Variants in RCL1 observed in about 807,000 individuals in gnomAD.
The protein encoded by RCL1 is RNA 3'-terminal phosphate cyclase-like protein.
RCL1 carries 24 observed loss-of-function variants against 42.4 expected under a neutral mutation model. The ratio of observed to expected loss-of-function variants is 0.57; its 90% CI spans 0.41 to 0.80. The LOEUF is 0.80. RCL1 is among the 30% of genes least tolerant of loss of function. The pLI, the probability that RCL1 is intolerant of heterozygous loss-of-function variation, is 0.00. For synonymous variants in RCL1, 228 were observed against 177.3 expected, an observed-to-expected ratio of 1.29 and a Z score of -2.27; for missense variants, 578 against 467.9, an observed-to-expected ratio of 1.24 and a Z score of -2.17.
intron 8 of RCL1, chr9:4,850,489 T>C (rs1158652861): frequency 1.1e-5 from 2 of 184,422 alleles, no homozygotes; most frequent in Middle Eastern, 2.5e-3. Flanking sequence ...AGGCTTTTTT[T>C]TTTCTTTTTT....
At chr9:4,855,607 G>T (rs1817931056) in intron 8 of RCL1, among the ~76,000 whole-genome samples, 1 of 152,122 alleles carries the variant, frequency 6.6e-6, no homozygotes, top group African/African-American at 2.4e-5. Context: ...TTCTTAAGGA[G>T]GCTGTTTGCT....
At chr9:4,827,733 TGTGTGTGTGTGTGTGTGTGTGTGCACGC>T in intron 3 of RCL1, among the ~76,000 whole-genome samples, 1 of 34,628 alleles carries the variant, frequency 2.9e-5, no homozygotes, top group African/African-American at 5.4e-5. Context: ...TAGGATGAAG[TGTGTGTGTGTGTGTGTGTGTGTGCACGC>T]GTGTGTGTGT....
chr9:4,826,442 G>C (rs976815514), intron 2 of RCL1, among the ~76,000 whole-genome samples: 16 of 144,854 alleles, frequency 1.1e-4, no homozygotes, highest in African/African-American at 4.1e-4. Context: ...AGGTATATGA[G>C]AAATATCATT....
rs756483848 is a variant in RCL1 at position 4,849,509 on chromosome 9, G to C, written c.930G>C (p.Gln310His). The C allele has an allele frequency of 6.2e-6, 10 of 1,613,744 alleles. No homozygotes were observed. The East Asian group carries it at 2.0e-4, about 32-fold the overall frequency. The change falls in exon 8 of 9, where the codon CAG (glutamine) becomes CAC (histidine). Residue 310 changes from glutamine to histidine, a missense_variant. Coordinates refer to ENST00000381750, the MANE Select transcript of RCL1 (RefSeq NM_005772.5). ...TACTACTCATGACCCTTGGACAGCA[G>C]GATGTTTCCAAAGTCCTGCTAGGCC... ...LALLLMTLGQ[Q>H]DVSKVLLGPL...
chr9:4,816,483 A>G (rs1816382690), intron 1 of RCL1, among the ~76,000 whole-genome samples: 1 of 152,214 alleles, frequency 6.6e-6, no homozygotes, highest in Non-Finnish European at 1.5e-5. Flanking sequence ...TGAGAAATAG[A>G]TACCAAATTT....
rs1818159938 is a variant in RCL1 at position 4,861,035 on chromosome 9, A to G, written c.*760A>G. ...GTGTTTTGTTCCTTTGAAATGTATA[A>G]TGTAAAGACATTAAATCTCCTCATT... On this transcript the variant is annotated 3_prime_UTR_variant, in exon 9 of 9. Coordinates refer to ENST00000381750, the MANE Select transcript of RCL1 (RefSeq NM_005772.5). 1 of 152,234 alleles carries G rather than the reference A, an allele frequency of 6.6e-6. No individual in the cohort carries two copies. The highest frequency in any genetic ancestry group is 6.5e-5 in the Admixed American group (1 of 15,288). 9.4% of individuals were successfully genotyped at this position (152,234 alleles called of 1,614,324 possible). A position where few individuals can be genotyped will look rare whatever the true frequency, so the allele number is the denominator to read the frequency against.
intron 5 of RCL1, chr9:4,836,806 A>T (rs1311481547): frequency 6.6e-6 from 1 of 152,408 alleles, no homozygotes; most frequent in Non-Finnish European, 1.5e-5. Flanking sequence ...CTGCAGAGCC[A>T]TGTGCAGAGA....
intron 2 of RCL1, among the ~76,000 whole-genome samples, chr9:4,824,929 T>C (rs1816709220): frequency 6.6e-6 from 1 of 152,196 alleles, no homozygotes; most frequent in African/African-American, 2.4e-5. Flanking sequence ...TGTGTCTGTG[T>C]GAGACGGAGT....
At chr9:4,797,457 T>A (rs1219325017) in intron 1 of RCL1, among the ~76,000 whole-genome samples, 1 of 152,196 alleles carries the variant, frequency 6.6e-6, no homozygotes, top group Admixed American at 6.5e-5. Context: ...TAAAGCACAG[T>A]AGTTTTCAAC....
At chr9:4,839,912 G>C in intron 5 of RCL1, 2 of 985,730 alleles carry the variant, frequency 2.0e-6, no homozygotes, top group African/African-American at 1.7e-5. Context: ...TTTCAGGAGA[G>C]AGATTGGGAC....
chr9:4,835,750 C>T (rs913574908), intron 5 of RCL1, among the ~76,000 whole-genome samples: 4 of 152,180 alleles, frequency 2.6e-5, no homozygotes, highest in Non-Finnish European at 4.4e-5. Flanking sequence ...AGCATTTGGC[C>T]GTAAGCCTTG....
At chr9:4,811,646 A>G (rs775420959) in intron 1 of RCL1, among the ~76,000 whole-genome samples, 2 of 152,316 alleles carry the variant, frequency 1.3e-5, no homozygotes, top group Middle Eastern at 6.8e-3. Context: ...GTGTTTGTGA[A>G]TAGTGGTTTA....
intron 5 of RCL1, among the ~76,000 whole-genome samples, chr9:4,837,236 G>A (rs1350161324): frequency 6.6e-6 from 1 of 152,094 alleles, no homozygotes; most frequent in Non-Finnish European, 1.5e-5. Context: ...ACCATATATA[G>A]AACCCAAAAT....
chr9:4,808,669 T>C (rs1816064416), intron 1 of RCL1, among the ~76,000 whole-genome samples: 1 of 152,168 alleles, frequency 6.6e-6, no homozygotes, highest in Non-Finnish European at 1.5e-5. Flanking sequence ...CTTTCTTCCA[T>C]TGTGTTCATG....
At chr9:4,853,588 TG>T (rs1300971831) in intron 8 of RCL1, among the ~76,000 whole-genome samples, 3 of 152,148 alleles carry the variant, frequency 2.0e-5, no homozygotes, top group African/African-American at 7.2e-5. Flanking sequence ...CCCAAAGTGC[TG>T]GGATTACAGA....
chr9:4,826,769 CT>C (rs1816777015), intron 2 of RCL1, 88 bp from the exon 3 acceptor site: 2 of 1,185,934 alleles, frequency 1.7e-6, no homozygotes, highest in Non-Finnish European at 2.4e-6. Context: ...CCTTGTCAGG[CT>C]TTCCCCTTGG....
At chr9:4,848,922 T>C (rs953069801) in intron 7 of RCL1, among the ~76,000 whole-genome samples, 9 of 152,154 alleles carry the variant, frequency 5.9e-5, no homozygotes, top group African/African-American at 2.2e-4. Context: ...GAGAAGTTAA[T>C]AGAGTATGGC....
intron 1 of RCL1, among the ~76,000 whole-genome samples, chr9:4,794,994 G>C (rs1300167752): frequency 1.3e-5 from 2 of 152,212 alleles, no homozygotes; most frequent in Non-Finnish European, 2.9e-5. Flanking sequence ...TCATATACCA[G>C]GGGAAGAAAG....
At chr9:4,821,803 C>T (rs562547042) in intron 1 of RCL1, among the ~76,000 whole-genome samples, 1 of 152,304 alleles carries the variant, frequency 6.6e-6, no homozygotes, top group Non-Finnish European at 1.5e-5. Context: ...TATAGCAGCC[C>T]ACTCTTGTGA....
Sources: gnomAD v4.1 joint callset for allele counts (sites outside exome capture counted in the v4.1 genomes callset) on GRCh38, gnomAD v4.1.1 for gene constraint, MANE v1.5 for transcripts, NCBI Gene and HGNC (gene_info 2026-07-23, HGNC 2026-07-21) for gene names.